The following CHLSN variants were observed in gnomAD, a reference collection of about 807,000 sequenced individuals.
CHLSN encodes the protein protein cholesin.
chr7:1,062,708 C>T, the CHLSN span, among the ~76,000 whole-genome samples: 2 of 152,162 alleles, frequency 1.3e-5, no homozygotes, highest in Non-Finnish European at 2.9e-5. Flanking sequence ...CCAAGGATTC[C>T]GGCAGAAGTG....
the CHLSN span, chr7:986,537 ACAC>A: frequency 2.7e-6 from 4 of 1,503,578 alleles, no homozygotes; most frequent in Middle Eastern, 2.1e-4. Context: ...CTGGGCGTGA[ACAC>A]AGCCGCTGGG....
the CHLSN span, among the ~76,000 whole-genome samples, chr7:1,081,130 G>C: frequency 5.9e-5 from 9 of 152,374 alleles, no homozygotes; most frequent in East Asian, 1.2e-3. Flanking sequence ...GCTCCCAAAG[G>C]GCTTGGTCCC....
chr7:1,136,775 C>A, the CHLSN span, among the ~76,000 whole-genome samples: 1 of 151,812 alleles, frequency 6.6e-6, no homozygotes, highest in African/African-American at 2.4e-5. Flanking sequence ...CCTCCACAAA[C>A]CTGAGCTTCC....
the CHLSN span, among the ~76,000 whole-genome samples, chr7:1,068,451 G>T: frequency 6.6e-6 from 1 of 152,164 alleles, no homozygotes; most frequent in Non-Finnish European, 1.5e-5. Flanking sequence ...GTTGGACGCT[G>T]CCTGGTGTGG....
the CHLSN span, chr7:1,000,515 C>A: frequency 6.2e-7 from 1 of 1,609,688 alleles, no homozygotes; most frequent in African/African-American, 1.3e-5. Context: ...TCTGCCTCGT[C>A]TTCTGAAACC....
the CHLSN span, chr7:1,028,565 C>T: frequency 2.6e-5 from 26 of 985,018 alleles, no homozygotes; most frequent in Non-Finnish European, 3.1e-5. Context: ...CCCGGGTCTC[C>T]GGTCCACCTG....
chr7:1,089,707 CTTT>C, the CHLSN span, among the ~76,000 whole-genome samples: 23 of 124,166 alleles, frequency 1.9e-4, no homozygotes, highest in African/African-American at 5.3e-4. Flanking sequence ...ATAGGCCAGC[CTTT>C]TTTTTTTTTT....
the CHLSN span, among the ~76,000 whole-genome samples, chr7:1,029,255 G>A: frequency 6.6e-6 from 1 of 152,144 alleles, no homozygotes; most frequent in African/African-American, 2.4e-5. Flanking sequence ...GGCCTTCCGA[G>A]TAGCTGGGAC....
chr7:997,694 C>T, the CHLSN span: 5 of 1,611,228 alleles, frequency 3.1e-6, no homozygotes, highest in Non-Finnish European at 3.4e-6. Flanking sequence ...CAGAGCCCTC[C>T]TCATCCAGCT....
chr7:1,054,772 C>T, the CHLSN span, among the ~76,000 whole-genome samples: 2 of 152,244 alleles, frequency 1.3e-5, no homozygotes, highest in Non-Finnish European at 2.9e-5. Flanking sequence ...CAGCTTTTCT[C>T]TGGCCATGCC....
chr7:1,054,161 G>C, the CHLSN span, among the ~76,000 whole-genome samples: 1 of 152,194 alleles, frequency 6.6e-6, no homozygotes, highest in African/African-American at 2.4e-5. Context: ...TCCCTCCCAA[G>C]ATCTCCAGGT....
chr7:1,105,149 G>C, the CHLSN span, among the ~76,000 whole-genome samples: 1 of 152,350 alleles, frequency 6.6e-6, no homozygotes, highest in South Asian at 2.1e-4. Flanking sequence ...GGCCAGGGCA[G>C]GAGCATGGAC....
the CHLSN span, chr7:1,074,804 C>G: frequency 0.19 from 28,411 of 152,454 alleles, 2,931 homozygotes; most frequent in African/African-American, 0.26. Context: ...TGTCATGCAG[C>G]CTGCCGAGCA....
the CHLSN span, among the ~76,000 whole-genome samples, chr7:1,102,784 G>A: frequency 6.6e-6 from 1 of 152,210 alleles, no homozygotes; most frequent in Non-Finnish European, 1.5e-5. Context: ...TGCTGGGATT[G>A]GGAAGTTGCA....
At chr7:1,085,058 G>A in the CHLSN span, among the ~76,000 whole-genome samples, 23 of 152,374 alleles carry the variant, frequency 1.5e-4, no homozygotes, top group South Asian at 1.4e-3. Flanking sequence ...GAGGACTGAA[G>A]GGTCAAAGGC....
the CHLSN span, among the ~76,000 whole-genome samples, chr7:994,431 G>A: frequency 0.023 from 3,494 of 152,112 alleles, 135 homozygotes; most frequent in African/African-American, 0.079. Flanking sequence ...AAAGTGTTGG[G>A]ATTACAGGCG....
chr7:1,135,115 G>T, the CHLSN span, among the ~76,000 whole-genome samples: 3 of 152,078 alleles, frequency 2.0e-5, no homozygotes, highest in African/African-American at 7.2e-5. Context: ...ACAGACAGCA[G>T]AACTTCTGCT....
At chr7:986,377 C>T in the CHLSN span, 4 of 560,872 alleles carry the variant, frequency 7.1e-6, no homozygotes, top group South Asian at 8.4e-5. Context: ...CCTCCCTCTC[C>T]AGGATGGAAG....
the CHLSN span, chr7:1,093,693 C>A: frequency 4.3e-6 from 2 of 469,040 alleles, no homozygotes. Context: ...TTTGTTTCTA[C>A]AGAAATAACA....
Sources: gnomAD v4.1 joint callset for allele counts (sites outside exome capture counted in the v4.1 genomes callset) on GRCh38, gnomAD v4.1.1 for gene constraint, MANE v1.5 for transcripts, NCBI Gene and HGNC (gene_info 2026-07-23, HGNC 2026-07-21) for gene names.